The following RIT2 variants were observed in gnomAD, a reference collection of about 807,000 sequenced individuals.
RIT2 encodes the protein Ras like without CAAX 2, also known as GTP-binding protein Rit2.
RIT2 carries 24 observed loss-of-function variants against 23.7 expected under a neutral mutation model. The ratio of observed to expected loss-of-function variants is 1.01; its 90% CI spans 0.73 to 1.43. The LOEUF is 1.43. Among genes scored for constraint, RIT2 ranks in the 40% most tolerant of loss-of-function variants. RIT2 has a pLI of 0.00. For missense variants in RIT2, 236 were observed against 266.9 expected (o/e 0.88, Z 0.81); for synonymous variants, 107 against 91.1 (o/e 1.17, Z -0.99).
chr18:43,046,072 G>T (rs1302247148), intron 1 of RIT2, among the ~76,000 whole-genome samples: 1 of 152,140 alleles, frequency 6.6e-6, no homozygotes, highest in East Asian at 1.9e-4. Flanking sequence ...AATAGGCTGG[G>T]TGTCAGATGC....
intron 2 of RIT2, among the ~76,000 whole-genome samples, chr18:43,008,565 T>C (rs1200108133): frequency 6.6e-6 from 1 of 151,294 alleles, no homozygotes; most frequent in Admixed American, 6.6e-5. Flanking sequence ...CTTTATGTTA[T>C]CTTCAATAAA....
intron 4 of RIT2, among the ~76,000 whole-genome samples, chr18:42,810,079 CAT>C (rs1372681923): frequency 4.8e-5 from 7 of 144,540 alleles, no homozygotes; most frequent in African/African-American, 1.5e-4. Context: ...TTATACATAA[CAT>C]ATATATTAAA....
intron 4 of RIT2, among the ~76,000 whole-genome samples, chr18:42,893,014 CA>C (rs1348079054): frequency 1.3e-5 from 2 of 152,060 alleles, no homozygotes; most frequent in African/African-American, 4.8e-5. Flanking sequence ...AATAGATGGT[CA>C]GTAGGTCCTA....
At chr18:42,986,134 G>T (rs866406697) in intron 2 of RIT2, among the ~76,000 whole-genome samples, 1 of 151,386 alleles carries the variant, frequency 6.6e-6, no homozygotes, top group Non-Finnish European at 1.5e-5. Context: ...CTGCCTCCTG[G>T]GTTCAAGCAA....
At position 43,033,799 on chromosome 18, in the gene RIT2, G is replaced by A; in HGVS notation, c.160+12C>T. ...TTATTTGAGCTTACGGAGAAAGGAA[G>A]CTTCCACTTACCTATAGTAGGGTCA... is the stretch of plus-strand genomic sequence containing the variant. On this transcript the variant is annotated intron_variant, in intron 2 of 4. Transcript: ENST00000326695. 1.3e-6 allele frequency: 2 copies of A among 1,584,976 alleles called. No homozygotes were observed. Among genetic ancestry groups the A allele is most frequent in the Non-Finnish European group, 8.7e-7 (1 of 1,155,874 alleles).
intron 2 of RIT2, among the ~76,000 whole-genome samples, chr18:42,978,813 G>A (rs551093868): frequency 6.6e-6 from 1 of 152,208 alleles, no homozygotes; most frequent in South Asian, 2.1e-4. Context: ...CTATATTAAA[G>A]CCTCAAATCT....
intron 2 of RIT2, among the ~76,000 whole-genome samples, chr18:42,983,681 A>C (rs1910646265): frequency 6.6e-6 from 1 of 152,102 alleles, no homozygotes; most frequent in African/African-American, 2.4e-5. Flanking sequence ...CAATCCAATT[A>C]CAAAGTGATC....
At chr18:42,792,710 C>T (rs1436917452) in intron 4 of RIT2, among the ~76,000 whole-genome samples, 1 of 152,138 alleles carries the variant, frequency 6.6e-6, no homozygotes, top group African/African-American at 2.4e-5. Flanking sequence ...AAGCAAGACC[C>T]CATTTCTAGT....
chr18:42,743,541 C>T lies in RIT2; in HGVS notation c.606G>A (p.Trp202Ter). 1 of 1,614,004 alleles carries T rather than the reference C, an allele frequency of 6.2e-7. No homozygotes were observed. The highest frequency in any genetic ancestry group is 8.5e-7 in the Non-Finnish European group (1 of 1,179,962). Residue 202 changes from tryptophan (W) to a stop codon, truncating the protein, a stop_gained, in exon 5 of 5, where the codon TGG becomes TGA. Coordinates refer to ENST00000326695, the MANE Select transcript of RIT2 (RefSeq NM_002930.4). LOFTEE classifies it high-confidence loss of function. ...EKKLKRKDSL[W>*]KKLKGSLKKK... ...TCTTCAAAGAACCTTTGAGCTTCTT[C>T]CACAGGCTGTCTTTTCTCTTCAGTT...
At chr18:42,851,465 C>T (rs1220701459) in intron 4 of RIT2, among the ~76,000 whole-genome samples, 3 of 152,168 alleles carry the variant, frequency 2.0e-5, no homozygotes, top group African/African-American at 4.8e-5. Flanking sequence ...TCAATGTTGC[C>T]TATCACATCT....
In RIT2 at chr18:42,763,115, T is replaced by C. The variant is rs533564831; in HGVS notation, c.427-19395A>G. Among the ~76,000 whole-genome samples the C allele has an allele frequency of 2.6e-5, 4 of 152,286 alleles. No homozygotes were observed. In the East Asian group the frequency reaches 5.8e-4, roughly 22 times the overall value. ...TGGGCAATTGTAGCACAATAGTAAG[T>C]ATTGTCTATTTAAACAAAAGAAGGT... On this transcript the variant is annotated intron_variant, in intron 4 of 4. Transcript: ENST00000326695.
intron 4 of RIT2, among the ~76,000 whole-genome samples, chr18:42,765,359 C>G (rs772622083): frequency 5.3e-5 from 8 of 152,178 alleles, no homozygotes; most frequent in Non-Finnish European, 1.2e-4. Context: ...GACTTGTTGA[C>G]ATACAGCCTG....
chr18:43,047,883 G>A (rs1187058762), intron 1 of RIT2, among the ~76,000 whole-genome samples: 1 of 152,000 alleles, frequency 6.6e-6, no homozygotes, highest in African/African-American at 2.4e-5. Context: ...AAAATATGAG[G>A]GGAGTTCTAC....
chr18:42,761,741 G>C (rs1158109518), intron 4 of RIT2, among the ~76,000 whole-genome samples: 1 of 152,138 alleles, frequency 6.6e-6, no homozygotes, highest in African/African-American at 2.4e-5. Context: ...GCAGTGGCAC[G>C]ATCTTGGCTC....
chr18:42,845,220 AACAAATGAGGAAACT>A (rs1906874791), intron 4 of RIT2, among the ~76,000 whole-genome samples: 1 of 152,098 alleles, frequency 6.6e-6, no homozygotes, highest in Non-Finnish European at 1.5e-5. Context: ...AGTAGAGAAA[AACAAATGAGGAAACT>A]CAATGGGGTA....
At chr18:42,789,179 A>G (rs1913985985) in intron 4 of RIT2, among the ~76,000 whole-genome samples, 1 of 152,158 alleles carries the variant, frequency 6.6e-6, no homozygotes, top group African/African-American at 2.4e-5. Context: ...AATTTTACCT[A>G]CCATAATTTC....
chr18:42,760,764 G>A (rs1287139082), intron 4 of RIT2, among the ~76,000 whole-genome samples: 5 of 152,152 alleles, frequency 3.3e-5, no homozygotes, highest in Non-Finnish European at 7.4e-5. Context: ...TGCTTCTTAT[G>A]CACTAAATGC....
At chr18:42,967,171 T>G (rs530332379) in intron 3 of RIT2, among the ~76,000 whole-genome samples, 7 of 152,194 alleles carry the variant, frequency 4.6e-5, no homozygotes, top group African/African-American at 1.7e-4. Flanking sequence ...TATATTTCTC[T>G]CTCTATATAT....
intron 4 of RIT2, among the ~76,000 whole-genome samples, chr18:42,870,926 C>G (rs1056846335): frequency 6.6e-6 from 1 of 152,194 alleles, no homozygotes; most frequent in African/African-American, 2.4e-5. Context: ...CCATAAAAGA[C>G]TGAATATTTC....
Sources: allele counts gnomAD v4.1 joint callset (sites outside exome capture counted in the v4.1 genomes callset), GRCh38; gene constraint gnomAD v4.1.1; transcripts MANE v1.5; gene names NCBI Gene and HGNC (gene_info 2026-07-23, HGNC 2026-07-21).